Variants in CFAP44 observed in about 807,000 individuals in gnomAD.
The protein encoded by CFAP44 is cilia- and flagella-associated protein 44.
CFAP44 carries 134 observed loss-of-function variants against 216.2 expected under a neutral mutation model. That is an observed-to-expected ratio of 0.62 (90% CI 0.54 to 0.72). CFAP44 has a LOEUF of 0.72. CFAP44 is among the 30% of genes least tolerant of loss of function. The pLI is 0.00. For synonymous variants in CFAP44, 700 were observed against 727.6 expected (o/e 0.96, Z 0.61); for missense variants, 2,035 against 2,182.1 (o/e 0.93, Z 1.34).
At chr3:113,341,460 T>C (rs1440511780) in intron 24 of CFAP44, among the ~76,000 whole-genome samples, 1 of 152,210 alleles carries the variant, frequency 6.6e-6, no homozygotes, top group Non-Finnish European at 1.5e-5. Flanking sequence ...AATTTTGAGA[T>C]AGAAAAGCAT....
intron 21 of CFAP44, chr3:113,361,340 C>T (rs185101875): frequency 3.9e-4 from 85 of 215,268 alleles, no homozygotes; most frequent in Non-Finnish European, 6.1e-4. Flanking sequence ...GCAAAAGTTG[C>T]GTACTATAGT....
chr3:113,403,246 A>C (rs1281659163), intron 9 of CFAP44, among the ~76,000 whole-genome samples: 2 of 152,154 alleles, frequency 1.3e-5, no homozygotes, highest in African/African-American at 4.8e-5. Context: ...ACAGCACAAT[A>C]CTCATTAACA....
Position 113,291,329 on chromosome 3 carries a change from G to A in CFAP44, c.*228C>T, listed in dbSNP as rs181145748. Reference sequence around the variant, plus strand: ...ACTTCATATTCAATCTAGTAGGTTCGAAACATCTAAAATGATTCAGTTTCA... The same window carrying A: ...ACTTCATATTCAATCTAGTAGGTTCAAAACATCTAAAATGATTCAGTTTCA... On this transcript the variant is annotated 3_prime_UTR_variant, in exon 35 of 35. Coordinates refer to ENST00000393845, the MANE Select transcript of CFAP44 (RefSeq NM_001164496.2). 45 of 462,374 alleles carry A rather than the reference G, an allele frequency of 9.7e-5. No individual in the cohort carries two copies. The highest frequency in any genetic ancestry group is 6.8e-4 in the Admixed American group (20 of 29,380). 28.6% of individuals were successfully genotyped at this position (462,374 alleles called of 1,614,324 possible).
chr3:113,423,236 C>T (rs549098091), intron 4 of CFAP44, among the ~76,000 whole-genome samples: 2 of 151,622 alleles, frequency 1.3e-5, no homozygotes, highest in Admixed American at 6.6e-5. Context: ...CACCTCAGCC[C>T]CCCAGGTAGC....
At chr3:113,409,405 T>G in intron 6 of CFAP44, 83 bp from the exon 7 acceptor site, 1 of 1,270,434 alleles carries the variant, frequency 7.9e-7, no homozygotes, top group Non-Finnish European at 1.1e-6. Context: ...AGAGAGGGAG[T>G]CAGCCCATGG....
intron 28 of CFAP44, among the ~76,000 whole-genome samples, chr3:113,324,586 AG>A (rs777420601): frequency 1.3e-5 from 2 of 152,188 alleles, no homozygotes; most frequent in Non-Finnish European, 2.9e-5. Context: ...TTCATGAAAA[AG>A]AGGAACAGAG....
At chr3:113,351,573 G>T (rs1950445079) in intron 22 of CFAP44, among the ~76,000 whole-genome samples, 1 of 152,186 alleles carries the variant, frequency 6.6e-6, no homozygotes, top group Non-Finnish European at 1.5e-5. Context: ...TCTCCTCACT[G>T]CTGAGAAAGG....
chr3:113,368,553 C>T (rs1933039853), intron 18 of CFAP44, among the ~76,000 whole-genome samples: 1 of 152,142 alleles, frequency 6.6e-6, no homozygotes, highest in South Asian at 2.1e-4. Flanking sequence ...GAGATTTTGT[C>T]ACCACCAGGC....
chr3:113,390,603 C>T (rs1002523941), intron 15 of CFAP44, among the ~76,000 whole-genome samples: 12 of 152,140 alleles, frequency 7.9e-5, no homozygotes, highest in South Asian at 2.1e-4. Flanking sequence ...AATCTAAAGA[C>T]GCCACCAAAA....
At chr3:113,348,781 T>C (rs904707405) in intron 22 of CFAP44, among the ~76,000 whole-genome samples, 1 of 152,152 alleles carries the variant, frequency 6.6e-6, no homozygotes, top group African/African-American at 2.4e-5. Context: ...TTAAAGCAGA[T>C]CAAGGCAGAC....
chr3:113,427,083 A>G, intron 3 of CFAP44, 104 bp downstream of exon 3: 1 of 1,220,454 alleles, frequency 8.2e-7, no homozygotes, highest in Non-Finnish European at 1.2e-6. Context: ...ACACATATGT[A>G]CATCCTGCAC....
intron 28 of CFAP44, among the ~76,000 whole-genome samples, chr3:113,323,570 G>A (rs1021850525): frequency 2.0e-5 from 3 of 151,922 alleles, no homozygotes; most frequent in South Asian, 4.2e-4. Context: ...CACATATACC[G>A]CCTGTATCTA....
At chr3:113,338,402 A>T (rs865861107) in intron 24 of CFAP44, among the ~76,000 whole-genome samples, 1 of 152,212 alleles carries the variant, frequency 6.6e-6, no homozygotes, top group Non-Finnish European at 1.5e-5. Context: ...GAATATATAA[A>T]GAAGTCTAAA....
At chr3:113,324,269 G>C (rs1181521599) in intron 28 of CFAP44, among the ~76,000 whole-genome samples, 6 of 151,976 alleles carry the variant, frequency 3.9e-5, no homozygotes, top group African/African-American at 7.3e-5. Flanking sequence ...TAAGAAGCTA[G>C]TTTTTATTAC....
At chr3:113,341,969 C>G in intron 23 of CFAP44, 51 bp from the exon 24 acceptor site, 1 of 1,469,572 alleles carries the variant, frequency 6.8e-7, no homozygotes, top group Non-Finnish European at 8.9e-7. Flanking sequence ...AAAAACAAAA[C>G]TCTCAGATAT....
intron 28 of CFAP44, among the ~76,000 whole-genome samples, chr3:113,324,058 A>AAAAAAAAAAAAAG (rs1553753480): frequency 3.3e-4 from 50 of 151,594 alleles, no homozygotes; most frequent in African/African-American, 1.0e-3. Context: ...AAAAAAAAAA[A>AAAAAAAAAAAAAG]AGAGAGAAAT....
At chr3:113,363,554 G>T in intron 19 of CFAP44, 22 bp from the exon 20 acceptor site, 2 of 1,575,122 alleles carry the variant, frequency 1.3e-6, no homozygotes, top group African/African-American at 1.4e-5. Context: ...GAAGTAAAAG[G>T]TTAGCCCTTT....
intron 6 of CFAP44, among the ~76,000 whole-genome samples, chr3:113,412,022 C>T (rs1934492177): frequency 6.6e-6 from 1 of 152,088 alleles, no homozygotes. Context: ...TGCTTATCAG[C>T]TTAAGCTATT....
At position 113,287,628 on chromosome 3, in the gene CFAP44, T is replaced by C. The variant is rs1423597037; in HGVS notation, c.*3929A>G. Reference sequence around the variant, plus strand: ...TTAAAACAGTGAATGTCAGTTGTGCTTGGATTCATGCAGAACACATTACCG... The same window carrying C: ...TTAAAACAGTGAATGTCAGTTGTGCCTGGATTCATGCAGAACACATTACCG... On this transcript the variant is annotated 3_prime_UTR_variant, in exon 35 of 35. Coordinates refer to ENST00000393845, the MANE Select transcript of CFAP44 (RefSeq NM_001164496.2). 1.3e-5 allele frequency: 2 copies of C among 152,542 alleles called. No individual in the cohort carries two copies. Among genetic ancestry groups the C allele is most frequent in the East Asian group, 3.8e-4 (2 of 5,202 alleles). The allele number at this position is 152,542 out of a possible 1,614,324, so 9.4% of individuals were successfully genotyped here.
Sources: allele counts gnomAD v4.1 joint callset (sites outside exome capture counted in the v4.1 genomes callset), GRCh38; gene constraint gnomAD v4.1.1; transcripts MANE v1.5; gene names NCBI Gene and HGNC (gene_info 2026-07-23, HGNC 2026-07-21).